SEPTIN10: variants seen among roughly 807,000 people sequenced by gnomAD.
The protein encoded by SEPTIN10 is septin-10.
Under a neutral mutation model 54.8 loss-of-function variants are expected in SEPTIN10, and 66 were observed. The observed-to-expected ratio is 1.21, with a 90% confidence interval of 0.99 to 1.48. SEPTIN10 has a LOEUF of 1.48. SEPTIN10 is among the 40% of genes most tolerant of loss of function. The pLI, the probability that SEPTIN10 is intolerant of heterozygous loss-of-function variation, is 0.00. For missense variants in SEPTIN10, 620 were observed against 545.6 expected (o/e 1.14, Z -1.36); for synonymous variants, 161 against 181.0 (o/e 0.89, Z 0.89).
chr2:109,545,068 A>C (rs1680833304), intron 10 of SEPTIN10: 1 of 985,302 alleles, frequency 1.0e-6, no homozygotes, highest in Non-Finnish European at 1.2e-6. Context: ...TTTAAAGTTG[A>C]GTTGCAATAT....
chr2:109,577,659 TC>T (rs1374910620), intron 4 of SEPTIN10, among the ~76,000 whole-genome samples: 1 of 150,314 alleles, frequency 6.7e-6, no homozygotes, highest in Admixed American at 6.6e-5. Context: ...ACGCCTGCAA[TC>T]CCAGCACTTT....
intron 4 of SEPTIN10, among the ~76,000 whole-genome samples, chr2:109,580,272 G>T (rs34311530): frequency 0.14 from 20,206 of 149,474 alleles, 1,842 homozygotes; most frequent in African/African-American, 0.26. Flanking sequence ...AGGTTAATTT[G>T]CCAATAAAAA....
intron 1 of SEPTIN10, among the ~76,000 whole-genome samples, chr2:109,594,039 G>A (rs1054461592): frequency 5.9e-5 from 9 of 152,120 alleles, no homozygotes; most frequent in African/African-American, 1.4e-4. Flanking sequence ...AATCATACAA[G>A]CCAGTAGTGT....
intron 1 of SEPTIN10, among the ~76,000 whole-genome samples, chr2:109,603,356 TC>T (rs917719088): frequency 1.1e-4 from 16 of 151,942 alleles, no homozygotes; most frequent in African/African-American, 3.6e-4. Context: ...TGCCTCAGCC[TC>T]CCCAGCAGCT....
chr2:109,553,631 T>C (rs1193039270), intron 8 of SEPTIN10, among the ~76,000 whole-genome samples: 1 of 151,436 alleles, frequency 6.6e-6, no homozygotes, highest in Admixed American at 6.6e-5. Flanking sequence ...GGTGGGCAGA[T>C]CACCTGAGGT....
At chr2:109,550,342 T>C (rs917004240) in intron 9 of SEPTIN10, among the ~76,000 whole-genome samples, 25 of 151,162 alleles carry the variant, frequency 1.7e-4, no homozygotes, top group African/African-American at 5.8e-4. Flanking sequence ...AGACGGATTC[T>C]CGCTCTGTTG....
intron 4 of SEPTIN10, among the ~76,000 whole-genome samples, chr2:109,580,612 C>T (rs1038815933): frequency 1.3e-5 from 2 of 152,060 alleles, no homozygotes; most frequent in Admixed American, 6.6e-5. Context: ...CCAGTACAGT[C>T]CAGCATTAAC....
At chr2:109,599,797 C>T (rs1395521632) in intron 1 of SEPTIN10, among the ~76,000 whole-genome samples, 1 of 152,140 alleles carries the variant, frequency 6.6e-6, no homozygotes, top group Non-Finnish European at 1.5e-5. Context: ...GTTTAAAATA[C>T]AAATGCAATC....
rs1005101153 is a variant in SEPTIN10, at chr2:109,567,729, G to C, written c.762+86C>G. The C allele has an allele frequency of 7.2e-6, 9 of 1,250,472 alleles. No individual in the cohort carries two copies. The East Asian group carries it at 2.3e-4, about 32-fold the overall frequency. The allele number at this position is 1,250,472 out of a possible 1,614,324, so 77.5% of individuals were successfully genotyped here. Reference sequence around the variant, plus strand: ...TGAAGTCTTTTTGGAAGACACAAGTGAAAGTGTATTAGCAGCAATATTACT... The same window carrying C: ...TGAAGTCTTTTTGGAAGACACAAGTCAAAGTGTATTAGCAGCAATATTACT... On this transcript the variant is annotated intron_variant, in intron 6 of 10. Transcript: ENST00000397712.
At chr2:109,556,047 A>C (rs1310841163) in intron 8 of SEPTIN10, among the ~76,000 whole-genome samples, 2 of 152,196 alleles carry the variant, frequency 1.3e-5, no homozygotes, top group Non-Finnish European at 2.9e-5. Flanking sequence ...ACTATCCAGC[A>C]GAGCTCTCTA....
intron 4 of SEPTIN10, among the ~76,000 whole-genome samples, chr2:109,580,944 T>G (rs756618471): frequency 6.6e-6 from 1 of 152,058 alleles, no homozygotes; most frequent in Non-Finnish European, 1.5e-5. Flanking sequence ...CATCTGTAGG[T>G]TGGAACAGAA....
At chr2:109,566,344 C>T (rs1687017684) in intron 6 of SEPTIN10, among the ~76,000 whole-genome samples, 1 of 152,052 alleles carries the variant, frequency 6.6e-6, no homozygotes, top group South Asian at 2.1e-4. Flanking sequence ...TTGTCTCGAA[C>T]TCCTGACCTC....
At chr2:109,602,893 C>A (rs1049491022) in intron 1 of SEPTIN10, among the ~76,000 whole-genome samples, 3 of 136,816 alleles carry the variant, frequency 2.2e-5, no homozygotes, top group Non-Finnish European at 4.6e-5. Context: ...CATAGGCAGA[C>A]CCTGTCTCAA....
chr2:109,613,917 G>C lies in SEPTIN10; in HGVS notation c.-90C>G. 1 of 1,220,524 alleles carries C rather than the reference G, an allele frequency of 8.2e-7. No individual in the cohort carries two copies. The highest frequency in any genetic ancestry group is 1.0e-6 in the Non-Finnish European group (1 of 980,852). 75.6% of individuals were successfully genotyped at this position (1,220,524 alleles called of 1,614,324 possible). On this transcript the variant is annotated 5_prime_UTR_variant, in exon 1 of 11. Transcript: ENST00000397712. ...ACGGCGGCGGGAAGGCCGGAGGGCA[G>C]AAGCAACGGGCGGGGCGCGAGGCTA...
chr2:109,566,471 A>G (rs1687064127), intron 6 of SEPTIN10, among the ~76,000 whole-genome samples: 1 of 152,140 alleles, frequency 6.6e-6, no homozygotes, highest in South Asian at 2.1e-4. Context: ...AAAGACAAAG[A>G]TAATGTTGAG....
intron 4 of SEPTIN10, among the ~76,000 whole-genome samples, chr2:109,577,049 T>C (rs1192254215): frequency 6.6e-6 from 1 of 151,524 alleles, no homozygotes; most frequent in Admixed American, 6.6e-5. Flanking sequence ...CAAAACTGGA[T>C]AACAATAAAA....
rs538166902 is a variant in SEPTIN10, at chr2:109,563,106, T to G, written c.1028+1260A>C. 1.4e-4 allele frequency among the ~76,000 whole-genome samples: 21 copies of G among 152,286 alleles called. No individual in the cohort carries two copies. In the East Asian group the frequency reaches 4.1e-3, roughly 29 times the overall value. ...GTGTAATTTTAGTAAAGACGGGGTTTCACCATGTTGGCCAGGCTGGTCTTG... is the reference window on the plus strand; with the variant it reads ...GTGTAATTTTAGTAAAGACGGGGTTGCACCATGTTGGCCAGGCTGGTCTTG... On this transcript the variant is annotated intron_variant, in intron 8 of 10. Transcript: ENST00000397712.
chr2:109,598,287 C>T (rs1243786375), intron 1 of SEPTIN10, among the ~76,000 whole-genome samples: 12 of 151,930 alleles, frequency 7.9e-5, no homozygotes, highest in East Asian at 7.9e-4. Flanking sequence ...AGGCTAGTCT[C>T]GAACTCCCAA....
At chr2:109,598,507 C>A (rs573156751) in intron 1 of SEPTIN10, among the ~76,000 whole-genome samples, 3 of 151,974 alleles carry the variant, frequency 2.0e-5, no homozygotes, top group African/African-American at 7.3e-5. Flanking sequence ...ATAATGTGAG[C>A]GAGAGCGAGA....
Sources: allele counts gnomAD v4.1 joint callset (sites outside exome capture counted in the v4.1 genomes callset), GRCh38; gene constraint gnomAD v4.1.1; transcripts MANE v1.5; gene names NCBI Gene and HGNC (gene_info 2026-07-23, HGNC 2026-07-21).